Variants in MAGI3 observed in about 807,000 individuals in gnomAD.
MAGI3 encodes membrane-associated guanylate kinase, WW and PDZ domain-containing protein 3.
MAGI3 carries 43 observed loss-of-function variants against 121.8 expected under a neutral mutation model. That is an observed-to-expected ratio of 0.35 (90% CI 0.28 to 0.46). The LOEUF (loss-of-function observed/expected upper bound fraction) is 0.46, where lower values mean the gene tolerates loss of function less well. MAGI3 is among the 20% of genes least tolerant of loss of function. The pLI is 1.00. For synonymous variants in MAGI3, 553 were observed against 639.3 expected (o/e 0.86, Z 2.04); for missense variants, 1,547 against 1,797.3 (o/e 0.86, Z 2.52).
chr1:113,580,862 A>G (rs1647979633), intron 3 of MAGI3: 2 of 385,880 alleles, frequency 5.2e-6, no homozygotes, highest in East Asian at 4.6e-5. Flanking sequence ...AAAATCCATC[A>G]TATTTTAAAG....
chr1:113,460,969 A>T (rs923989587), intron 1 of MAGI3, among the ~76,000 whole-genome samples: 1 of 152,246 alleles, frequency 6.6e-6, no homozygotes, highest in Non-Finnish European at 1.5e-5. Context: ...TCAGAAAGGC[A>T]ATCGAATTCC....
intron 5 of MAGI3, among the ~76,000 whole-genome samples, chr1:113,592,547 C>T (rs1648749399): frequency 6.6e-6 from 1 of 152,234 alleles, no homozygotes; most frequent in Non-Finnish European, 1.5e-5. Flanking sequence ...TCCTAACAAT[C>T]TATGTGGCTC....
At chr1:113,604,143 A>G (rs1649585052) in intron 6 of MAGI3, among the ~76,000 whole-genome samples, 1 of 152,182 alleles carries the variant, frequency 6.6e-6, no homozygotes, top group Non-Finnish European at 1.5e-5. Flanking sequence ...CACCTATCCA[A>G]AGAAAAAGAA....
At chr1:113,466,159 A>G (rs1001906181) in intron 1 of MAGI3, among the ~76,000 whole-genome samples, 11 of 152,016 alleles carry the variant, frequency 7.2e-5, no homozygotes, top group African/African-American at 2.4e-4. Context: ...TATTATTTTG[A>G]GATATGTTCC....
chr1:113,465,934 T>C (rs1041230306), intron 1 of MAGI3, among the ~76,000 whole-genome samples: 3 of 152,186 alleles, frequency 2.0e-5, no homozygotes, highest in African/African-American at 7.2e-5. Flanking sequence ...TAAGATCATG[T>C]TGTCTGCAAA....
At chr1:113,423,223 G>T (rs1652817298) in intron 1 of MAGI3, among the ~76,000 whole-genome samples, 1 of 145,762 alleles carries the variant, frequency 6.9e-6, no homozygotes, top group Non-Finnish European at 1.5e-5. Flanking sequence ...CTATCTGCAG[G>T]CAGGTTGTCC....
At chr1:113,470,305 G>T (rs910540968) in intron 1 of MAGI3, among the ~76,000 whole-genome samples, 5 of 151,904 alleles carry the variant, frequency 3.3e-5, no homozygotes, top group African/African-American at 1.2e-4. Flanking sequence ...CTAAGGTGTT[G>T]CATGTCTGCA....
chr1:113,539,298 C>T (rs1659160001), intron 1 of MAGI3, among the ~76,000 whole-genome samples: 1 of 150,802 alleles, frequency 6.6e-6, no homozygotes, highest in South Asian at 2.1e-4. Flanking sequence ...GAGGCTGAGG[C>T]AGGAGAATTG....
chr1:113,627,593 A>T (rs1300627102), intron 9 of MAGI3, among the ~76,000 whole-genome samples: 1 of 148,152 alleles, frequency 6.7e-6, no homozygotes, highest in African/African-American at 2.4e-5. Flanking sequence ...ATCATATATT[A>T]TATAATAATT....
chr1:113,446,449 G>A (rs1361237150), intron 1 of MAGI3, among the ~76,000 whole-genome samples: 1 of 152,152 alleles, frequency 6.6e-6, no homozygotes, highest in East Asian at 1.9e-4. Flanking sequence ...GAAATACAAA[G>A]AAGGCAGTAA....
chr1:113,541,602 T>C (rs1009321600), intron 1 of MAGI3, among the ~76,000 whole-genome samples: 4 of 152,200 alleles, frequency 2.6e-5, no homozygotes, highest in African/African-American at 4.8e-5. Flanking sequence ...TGTGTAGATA[T>C]AAACCTTCTG....
chr1:113,446,918 A>G (rs1557761788), intron 1 of MAGI3, among the ~76,000 whole-genome samples: 2 of 152,220 alleles, frequency 1.3e-5, no homozygotes, highest in African/African-American at 4.8e-5. Flanking sequence ...CAAATACTAT[A>G]TGGTTCTACT....
chr1:113,494,119 T>G (rs934734984), intron 1 of MAGI3, among the ~76,000 whole-genome samples: 7 of 152,134 alleles, frequency 4.6e-5, no homozygotes, highest in Non-Finnish European at 7.4e-5. Flanking sequence ...AGACATGGAA[T>G]CAACCCAGAT....
rs542583012 is a variant in MAGI3, at chr1:113,646,641, A to T, written c.2154A>T (p.Lys718Asn). The T allele has an allele frequency of 1.1e-5, 17 of 1,584,376 alleles. No individual in the cohort carries two copies. Among genetic ancestry groups the T allele is most frequent in the Middle Eastern group, 1.7e-4 (1 of 5,926 alleles). The change falls in exon 12 of 21, where the codon AAA (lysine) becomes AAT (asparagine). Residue 718 changes from lysine to asparagine, a missense_variant and splice_region_variant. Coordinates refer to ENST00000307546, the MANE Select transcript of MAGI3 (RefSeq NM_001142782.2). ...AATCTAAGACTTTATATGAAGATAAACGTAAGTAGTTGTGGAATATTTCAG... is the reference window on the plus strand; with the variant it reads ...AATCTAAGACTTTATATGAAGATAATCGTAAGTAGTTGTGGAATATTTCAG... ...YLKSKTLYED[K>N]PPNTKDLDVF... is the part of the protein sequence containing the mutation.
chr1:113,520,847 C>T (rs745880873), intron 1 of MAGI3, among the ~76,000 whole-genome samples: 24 of 152,078 alleles, frequency 1.6e-4, no homozygotes, highest in Non-Finnish European at 2.5e-4. Flanking sequence ...GGTGATCCAC[C>T]CACCACAGCC....
intron 7 of MAGI3, among the ~76,000 whole-genome samples, chr1:113,617,420 T>C (rs1650543701): frequency 6.6e-6 from 1 of 152,242 alleles, no homozygotes; most frequent in African/African-American, 2.4e-5. Flanking sequence ...GTATAAGTAA[T>C]TAAATGAAAA....
intron 1 of MAGI3, among the ~76,000 whole-genome samples, chr1:113,530,433 C>A (rs988336601): frequency 6.6e-6 from 1 of 151,366 alleles, no homozygotes; most frequent in Non-Finnish European, 1.5e-5. Context: ...ACAACAGACA[C>A]CAGGGCCTAT....
chr1:113,529,397 T>C (rs1658603158), intron 1 of MAGI3, among the ~76,000 whole-genome samples: 1 of 152,212 alleles, frequency 6.6e-6, no homozygotes, highest in Admixed American at 6.5e-5. Flanking sequence ...AAGATGTCCA[T>C]CTTTTTGCTG....
At chr1:113,510,258 A>G (rs1272890250) in intron 1 of MAGI3, among the ~76,000 whole-genome samples, 4 of 152,130 alleles carry the variant, frequency 2.6e-5, no homozygotes, top group Admixed American at 2.6e-4. Context: ...CAGAAATGTT[A>G]TAAGTATTTG....
Sources: allele counts gnomAD v4.1 joint callset (sites outside exome capture counted in the v4.1 genomes callset), GRCh38; gene constraint gnomAD v4.1.1; transcripts MANE v1.5; gene names NCBI Gene and HGNC (gene_info 2026-07-23, HGNC 2026-07-21).